The following ITGAM variants were observed in gnomAD, a reference collection of about 807,000 sequenced individuals.
ITGAM encodes the protein integrin alpha-M.
Under a neutral mutation model 137.5 loss-of-function variants are expected in ITGAM, and 79 were observed. The observed-to-expected ratio is 0.57, with a 90% CI of 0.48 to 0.69. The LOEUF (loss-of-function observed/expected upper bound fraction) is 0.69. ITGAM is among the 30% of genes least tolerant of loss of function. ITGAM has a pLI of 0.00. For synonymous variants in ITGAM, 583 were observed against 592.3 expected (o/e 0.98, Z 0.23); for missense variants, 1,343 against 1,483.5 (o/e 0.91, Z 1.56).
At position 31,332,005 on chromosome 16, in the gene ITGAM, A is replaced by G. The variant is rs113636187; in HGVS notation, c.*298A>G. 1.4e-5 allele frequency: 6 copies of G among 439,058 alleles called. No individual in the cohort carries two copies. The highest frequency in any genetic ancestry group is 2.1e-5 in the African/African-American group (1 of 48,550). 27.2% of individuals were successfully genotyped at this position (439,058 alleles called of 1,614,324 possible). A position where few individuals can be genotyped will look rare whatever the true frequency, so the allele number is the denominator to read the frequency against. On this transcript the variant is annotated 3_prime_UTR_variant, in exon 30 of 30. Transcript: ENST00000544665. ...TGTCCATGTGTGTGCAAGTGTGTGCATGTGTGCGAGTGTGTGCATGTGTGT... is the reference window on the plus strand; with the variant it reads ...TGTCCATGTGTGTGCAAGTGTGTGCGTGTGTGCGAGTGTGTGCATGTGTGT...
At chr16:31,261,397 G>GTCTT (rs2079697904) in intron 1 of ITGAM, among the ~76,000 whole-genome samples, 1 of 151,796 alleles carries the variant, frequency 6.6e-6, no homozygotes, top group African/African-American at 2.4e-5. Context: ...GCCTAGGCTG[G>GTCTT]TCTTAAACTC....
chr16:31,315,720 A>C (rs1249509165), intron 14 of ITGAM, among the ~76,000 whole-genome samples: 1 of 151,878 alleles, frequency 6.6e-6, no homozygotes, highest in Non-Finnish European at 1.5e-5. Context: ...CAGTCTCCTA[A>C]AGTGCTGGGA....
intron 14 of ITGAM, among the ~76,000 whole-genome samples, chr16:31,303,254 T>C (rs2080233764): frequency 6.6e-6 from 1 of 151,962 alleles, no homozygotes. Context: ...GCTGGTCTTC[T>C]GGCCTCAAGC....
intron 12 of ITGAM, among the ~76,000 whole-genome samples, chr16:31,292,010 C>T (rs1484972664): frequency 6.6e-6 from 1 of 152,026 alleles, no homozygotes; most frequent in Non-Finnish European, 1.5e-5. Flanking sequence ...CTGATTTGAT[C>T]ATCACACATT....
In ITGAM at chr16:31,266,112, G is replaced by A. The variant is rs781279844; in HGVS notation, c.392G>A (p.Arg131Gln). The change falls in exon 5 of 30, where the codon CGG (arginine) becomes CAG (glutamine). Residue 131 changes from arginine to glutamine, a missense_variant. Coordinates refer to ENST00000544665, the MANE Select transcript of ITGAM (RefSeq NM_000632.4). ...GLCFLFGSNL[R>Q]QQPQKFPEAL... ...TGCTTCCTGTTTGGATCCAACCTACGGCAGCAGCCCCAGAAGTTCCCAGAG... is the reference window on the plus strand; with the variant it reads ...TGCTTCCTGTTTGGATCCAACCTACAGCAGCAGCCCCAGAAGTTCCCAGAG... The A allele has an allele frequency of 6.2e-7, 1 of 1,613,856 alleles. No individual in the cohort carries two copies. Among genetic ancestry groups the A allele is most frequent in the Non-Finnish European group, 8.5e-7 (1 of 1,179,878 alleles).
chr16:31,262,373 T>A (rs1467707421), intron 2 of ITGAM, among the ~76,000 whole-genome samples: 2 of 140,164 alleles, frequency 1.4e-5, no homozygotes, highest in African/African-American at 5.3e-5. Context: ...CCTTCCTTCC[T>A]TCCTTCCTTC....
chr16:31,306,854 T>C (rs1450525999), intron 14 of ITGAM, among the ~76,000 whole-genome samples: 1 of 152,108 alleles, frequency 6.6e-6, no homozygotes, highest in Non-Finnish European at 1.5e-5. Flanking sequence ...AACAGAGAGT[T>C]TACACAAGTT....
rs147249760 is a variant in ITGAM at position 31,298,935 on chromosome 16, G to A, written c.1707+981G>A. Among the ~76,000 whole-genome samples, 37 of 152,224 alleles carry A rather than the reference G, an allele frequency of 2.4e-4. No individual in the cohort carries two copies. The East Asian group carries it at 7.0e-3, about 29-fold the overall frequency. On this transcript the variant is annotated intron_variant, in intron 14 of 29. Transcript: ENST00000544665. ...GGCTTTCTGTCTCCTGCCAGGTGGA[G>A]CCCACTGTCTGGAGGGACCCTTACA...
In ITGAM at chr16:31,270,715, A is replaced by G. The variant is rs1346015950; in HGVS notation, c.428-239A>G. On this transcript the variant is annotated intron_variant, in intron 5 of 29. Coordinates refer to ENST00000544665, the MANE Select transcript of ITGAM (RefSeq NM_000632.4). ...TGTGTGTGTGTATATATATATATAT[A>G]TATATATATATATATATATATATAT... Among the ~76,000 whole-genome samples, 713 of 100,272 alleles carry G rather than the reference A, an allele frequency of 7.1e-3. 33 individuals carry two copies. Among genetic ancestry groups the G allele is most frequent in the African/African-American group, 0.023 (512 of 22,628 alleles). The allele number at this position is 100,272 out of a possible 152,430, so 65.8% of individuals were successfully genotyped here.
intron 2 of ITGAM, among the ~76,000 whole-genome samples, chr16:31,262,474 C>T (rs1373038698): frequency 6.6e-6 from 1 of 151,882 alleles, no homozygotes; most frequent in Non-Finnish European, 1.5e-5. Context: ...GAAATCATAG[C>T]TCACTGTAGA....
At chr16:31,284,488 C>CA (rs148883429) in intron 12 of ITGAM, among the ~76,000 whole-genome samples, 58,759 of 152,012 alleles carry the variant, frequency 0.39, 14,931 homozygotes, top group African/African-American at 0.73. Context: ...GCTGTGCTAG[C>CA]GTGAGCAAGG....
In ITGAM at chr16:31,298,205, A is replaced by AAC. The variant is rs1491252389; in HGVS notation, c.1707+252_1707+253insCA. On this transcript the variant is annotated intron_variant, in intron 14 of 29. Coordinates refer to ENST00000544665, the MANE Select transcript of ITGAM (RefSeq NM_000632.4). The stretch of plus-strand genomic sequence containing the variant: ...CAACATGGTGAGAACCCATCTCTCC[A>AAC]AAAAAAAAAAAAAAAAAAAAAAATT... Among the ~76,000 whole-genome samples, 5 of 57,226 alleles carry AAC rather than the reference A, an allele frequency of 8.7e-5. No individual in the cohort carries two copies. In the African/African-American group the frequency reaches 1.6e-3, roughly 18 times the overall value. 37.5% of individuals were successfully genotyped at this position (57,226 alleles called of 152,430 possible).
intron 14 of ITGAM, among the ~76,000 whole-genome samples, chr16:31,314,869 C>CT: frequency 6.9e-6 from 1 of 144,054 alleles, no homozygotes. Context: ...GTCACCCAGG[C>CT]TGGAGTACAG....
rs1166414210 is a variant in ITGAM at position 31,282,554 on chromosome 16, T to A, written c.1356+4445T>A. Among the ~76,000 whole-genome samples, 3 of 152,348 alleles carry A rather than the reference T, an allele frequency of 2.0e-5. No individual in the cohort carries two copies. In the East Asian group the frequency reaches 5.8e-4, roughly 29 times the overall value. ...TAGGATTGCAACCCCTGGTTTTTTC[T>A]GTTTTCCATTTGCTTGGTAGATCTT... is the stretch of plus-strand genomic sequence containing the variant. On this transcript the variant is annotated intron_variant, in intron 12 of 29. Transcript: ENST00000544665.
intron 23 of ITGAM, 84 bp downstream of exon 23, chr16:31,328,314 A>ATGTGTG (rs377321047): frequency 4.9e-6 from 5 of 1,018,290 alleles, no homozygotes; most frequent in Non-Finnish European, 7.7e-6. Context: ...GAGTCTGTGC[A>ATGTGTG]TGTGTGTGTG....
chr16:31,328,881 CAT>C lies in ITGAM; in HGVS notation c.2793-346_2793-345del, dbSNP rs1199645506. ...GAGGGTCTATGTGCATGTATGTGTG[CAT>C]GAGTGTGTATTCGTGCATGTGTGTG... is the stretch of plus-strand genomic sequence containing the variant. On this transcript the variant is annotated intron_variant, in intron 23 of 29. Coordinates refer to ENST00000544665, the MANE Select transcript of ITGAM (RefSeq NM_000632.4). 8.4e-5 allele frequency: 34 copies of C among 404,226 alleles called. No homozygotes were observed. In the East Asian group the frequency reaches 1.8e-3, roughly 22 times the overall value. The allele number at this position is 404,226 out of a possible 1,614,324, so 25.0% of individuals were successfully genotyped here.
At chr16:31,296,903 A>G (rs111474910) in intron 12 of ITGAM, among the ~76,000 whole-genome samples, 1 of 152,220 alleles carries the variant, frequency 6.6e-6, no homozygotes, top group Non-Finnish European at 1.5e-5. Context: ...CAAATATTCA[A>G]ATAACAAATA....
intron 12 of ITGAM, among the ~76,000 whole-genome samples, chr16:31,287,157 G>C (rs1390518870): frequency 6.6e-6 from 1 of 152,092 alleles, no homozygotes; most frequent in African/African-American, 2.4e-5. Context: ...CCCATTGCTT[G>C]CTTCATAGTC....
At chr16:31,313,451 T>C (rs1234530305) in intron 14 of ITGAM, among the ~76,000 whole-genome samples, 2 of 151,842 alleles carry the variant, frequency 1.3e-5, no homozygotes, top group Admixed American at 6.6e-5. Context: ...ATTGTTCAAC[T>C]CCCACTTATG....
Sources: allele counts gnomAD v4.1 joint callset (sites outside exome capture counted in the v4.1 genomes callset), GRCh38; gene constraint gnomAD v4.1.1; transcripts MANE v1.5; gene names NCBI Gene and HGNC (gene_info 2026-07-23, HGNC 2026-07-21).